PLK2: variants seen among roughly 807,000 people sequenced by gnomAD.
PLK2 encodes the protein serine/threonine-protein kinase PLK2.
PLK2 carries 25 observed loss-of-function variants against 78.1 expected under a neutral mutation model. That is an observed-to-expected ratio of 0.32 (90% CI 0.23 to 0.45). PLK2 has a LOEUF of 0.45. PLK2 is among the 20% of genes least tolerant of loss of function. The pLI is 1.00. For missense variants in PLK2, 566 were observed against 840.2 expected, an observed-to-expected ratio of 0.67 and a Z score of 4.04; for synonymous variants, 332 against 298.2, an observed-to-expected ratio of 1.11 and a Z score of -1.17.
At chr5:58,458,201 C>T (rs762106690) in intron 4 of PLK2, 30 bp from the exon 5 acceptor site, 216 of 1,493,930 alleles carry the variant, frequency 1.4e-4, no homozygotes, top group Non-Finnish European at 1.9e-4. Flanking sequence ...AAATGTGAAT[C>T]CCTTTGAAAA....
intron 1 of PLK2, 192 bp from the exon 2 acceptor site, chr5:58,459,284 G>GT (rs1743692604): frequency 3.4e-6 from 2 of 596,288 alleles, no homozygotes; most frequent in Admixed American, 3.0e-5. Context: ...GCTGGAAACA[G>GT]CAAGTTCAAA....
chr5:58,459,853 G>A lies in PLK2; in HGVS notation c.107C>T (p.Pro36Leu), dbSNP rs753592476. 6.2e-7 allele frequency: 1 copy of A among 1,610,322 alleles called. No homozygotes were observed. The highest frequency in any genetic ancestry group is 8.5e-7 in the Non-Finnish European group (1 of 1,179,670). Residue 36 changes from proline to leucine, a missense_variant, in exon 1 of 14, where the codon CCG (proline) becomes CTG (leucine). Physicochemically the swap from Pro to Leu is moderately conservative, Grantham distance 98. Transcript: ENST00000274289. ...CGADSKKKRPPQPPEESQPPQ... is the reference protein window; with the variant it reads ...CGADSKKKRPLQPPEESQPPQ... The stretch of plus-strand genomic sequence containing the variant: ...TGGCTGCGATTCCTCGGGGGGCTGC[G>A]GCGGCCGCTTCTTCTTCGAGTCCGC...
chr5:58,459,139 G>C (rs756323301), intron 1 of PLK2, 47 bp from the exon 2 acceptor site: 7 of 919,410 alleles, frequency 7.6e-6, no homozygotes, highest in Non-Finnish European at 1.3e-5. Flanking sequence ...GCACAAAAAT[G>C]GACGGCAGAT....
chr5:58,457,537 T>G lies in PLK2; in HGVS notation c.760A>C (p.Lys254Gln). 9 of 1,613,416 alleles carry G rather than the reference T, an allele frequency of 5.6e-6. No homozygotes were observed. Among genetic ancestry groups the G allele is most frequent in the Non-Finnish European group, 7.6e-6 (9 of 1,179,326 alleles). Reference sequence around the variant, plus strand: ...TCTGATTCACAGCCATGTCCTTGTTTGTTGAGGACTTCAGGAGAGAGATAA... The same window carrying G: ...TCTGATTCACAGCCATGTCCTTGTTGGTTGAGGACTTCAGGAGAGAGATAA... The part of the protein sequence containing the change: ...PNYLSPEVLN[K>Q]QGHGCESDIW... Residue 254 changes from lysine to glutamine, a missense_variant, in exon 6 of 14, where the codon AAA (lysine) becomes CAA (glutamine). Around this residue, in one of 5 missense-constraint regions of PLK2, gnomAD observed 179 missense variants for 342.3 expected, o/e 0.52. Coordinates refer to ENST00000274289, the MANE Select transcript of PLK2 (RefSeq NM_006622.4).
In PLK2 at chr5:58,460,046, T is replaced by C. The variant is rs1743722430; in HGVS notation, c.-87A>G. 2 of 1,460,944 alleles carry C rather than the reference T, an allele frequency of 1.4e-6. No individual in the cohort carries two copies. Among genetic ancestry groups the C allele is most frequent in the African/African-American group, 1.4e-5 (1 of 71,172 alleles). The allele number at this position is 1,460,944 out of a possible 1,614,324, so 90.5% of individuals were successfully genotyped here. On this transcript the variant is annotated 5_prime_UTR_variant, in exon 1 of 14. Transcript: ENST00000274289. ...CGGCCGTGGTCCTCGCACCCTTGCC[T>C]CTGGTGCCGACTAGCACCCAACACC... is the stretch of plus-strand genomic sequence containing the variant.
intron 1 of PLK2, 178 bp from the exon 2 acceptor site, chr5:58,459,270 C>T (rs2111715129): frequency 3.3e-6 from 2 of 602,132 alleles, no homozygotes; most frequent in East Asian, 2.8e-5. Flanking sequence ...AAGAGAAATG[C>T]ATTGCTGGAA....
chr5:58,459,899 C>T lies in PLK2; in HGVS notation c.61G>A (p.Ala21Thr), dbSNP rs1199678713. 1 of 1,612,226 alleles carries T rather than the reference C, an allele frequency of 6.2e-7. No individual in the cohort carries two copies. The highest frequency in any genetic ancestry group is 8.5e-7 in the Non-Finnish European group (1 of 1,179,718). Residue 21 changes from alanine (A) to threonine (T), a missense_variant, in exon 1 of 14, where the codon GCG (alanine) becomes ACG (threonine). Ala to Thr is a moderately conservative substitution (Grantham distance 58, BLOSUM62 0). Transcript: ENST00000274289. ...TCCGCTCCGCAACCCTTGCCCAGCGCCTGCTCGCACATTTTGGTGCTGGCG... is the reference window on the plus strand; with the variant it reads ...TCCGCTCCGCAACCCTTGCCCAGCGTCTGCTCGCACATTTTGGTGCTGGCG... ...PAASTKMCEQ[A>T]LGKGCGADSK...
At position 58,454,629 on chromosome 5, in the gene PLK2, T is replaced by A. The variant is rs769177791; in HGVS notation, c.2012A>T (p.Asn671Ile). ...LMSGCSSELKNRMEYALNMLL... is the reference protein window; with the variant it reads ...LMSGCSSELKIRMEYALNMLL... ...CATGTTCAGGGCATATTCCATTCGA[T>A]TTTTTAATTCTGATGAACAGCCAGA... The change falls in exon 14 of 14, where the codon AAT becomes ATT. Residue 671 changes from asparagine (N) to isoleucine (I), a missense_variant. This residue lies in a region of PLK2 where 130 missense variants were observed against 196.4 expected (regional missense o/e 0.66). Coordinates refer to ENST00000274289, the MANE Select transcript of PLK2 (RefSeq NM_006622.4). 3.1e-6 allele frequency: 5 copies of A among 1,613,990 alleles called. No homozygotes were observed. The highest frequency in any genetic ancestry group is 4.2e-6 in the Non-Finnish European group (5 of 1,179,886).
Position 58,459,001 on chromosome 5 carries a change from G to A in PLK2, c.362C>T (p.Pro121Leu). The change falls in exon 2 of 14, where the codon CCT (proline) becomes CTT (leucine). Residue 121 changes from proline (P) to leucine (L), a missense_variant. This residue lies in a region of PLK2 where 179 missense variants were observed against 342.3 expected (regional missense o/e 0.52). Coordinates refer to ENST00000274289, the MANE Select transcript of PLK2 (RefSeq NM_006622.4). ...CATACGCACCTTTTCCCTTTGATGA[G>A]GTTTAGCTACTCTGCTGTGAGGAAT... Reference protein sequence around the residue: ...KIIPHSRVAKPHQREKIDKEI... With the variant: ...KIIPHSRVAKLHQREKIDKEI... 1 of 1,595,156 alleles carries A rather than the reference G, an allele frequency of 6.3e-7. No homozygotes were observed. The highest frequency in any genetic ancestry group is 8.6e-7 in the Non-Finnish European group (1 of 1,162,876).
chr5:58,457,498 C>A lies in PLK2; in HGVS notation c.799G>T (p.Gly267Cys), dbSNP rs1251040408. 6.2e-7 allele frequency: 1 copy of A among 1,611,104 alleles called. No individual in the cohort carries two copies. Among genetic ancestry groups the A allele is most frequent in the Admixed American group, 1.7e-5 (1 of 60,016 alleles). The change falls in exon 6 of 14, where the codon GGC (glycine) becomes TGC (cysteine). Residue 267 changes from glycine (G) to cysteine (C), a missense_variant. Physicochemically the swap from Gly to Cys is radical, Grantham distance 159. Transcript: ENST00000274289. ...GCTGCATTTACTTACATTACACAGCCCAGGGCCCAAATGTCTGATTCACAG... is the reference window on the plus strand; with the variant it reads ...GCTGCATTTACTTACATTACACAGCACAGGGCCCAAATGTCTGATTCACAG... ...HGCESDIWAL[G>C]CVMYTMLLGR... is the part of the protein sequence containing the mutation.
chr5:58,457,642 C>T, intron 5 of PLK2, 59 bp from the exon 6 acceptor site: 5 of 956,844 alleles, frequency 5.2e-6, no homozygotes, highest in Non-Finnish European at 6.8e-6. Context: ...AAACTTGGTT[C>T]TCTTGACATG....
Position 58,454,768 on chromosome 5 carries a change from A to G in PLK2, c.1873T>C (p.Phe625Leu). 1 of 1,599,866 alleles carries G rather than the reference A, an allele frequency of 6.3e-7. No individual in the cohort carries two copies. The change falls in exon 14 of 14, where the codon TTC becomes CTC. Residue 625 changes from phenylalanine (F) to leucine (L), a missense_variant. This residue lies in a region of PLK2 where 130 missense variants were observed against 196.4 expected (regional missense o/e 0.66). Transcript: ENST00000274289. Reference protein sequence around the residue: ...LFNDGTFQVNFYHDHTKIIIC... With the variant: ...LFNDGTFQVNLYHDHTKIIIC... Reference sequence around the variant, plus strand: ...ATGATTTTTGTATGATCATGGTAGAAATTCACCTTAAAAAATAAACATAGA... The same window carrying G: ...ATGATTTTTGTATGATCATGGTAGAGATTCACCTTAAAAAATAAACATAGA...
chr5:58,455,270 A>T lies in PLK2; in HGVS notation c.1755+15T>A, dbSNP rs1421228680. 2.5e-6 allele frequency: 4 copies of T among 1,613,594 alleles called. No individual in the cohort carries two copies. In the African/African-American group the frequency reaches 4.0e-5, roughly 16 times the overall value. On this transcript the variant is annotated intron_variant, in intron 12 of 13. Transcript: ENST00000274289. ...TACACTTCAAATGTCACCACTCTAAAGCCACAGTACTTACATCCATGAGGT... is the reference window on the plus strand; with the variant it reads ...TACACTTCAAATGTCACCACTCTAATGCCACAGTACTTACATCCATGAGGT...
intron 6 of PLK2, 45 bp from the exon 7 acceptor site, chr5:58,457,424 T>A (rs2220785): frequency 0.12 from 191,098 of 1,569,574 alleles, 13,154 homozygotes; most frequent in Admixed American, 0.22. Context: ...ATAAAGCAAC[T>A]CTTTTCAAGT....
chr5:58,460,051 T>C lies in PLK2; in HGVS notation c.-92A>G, dbSNP rs1743722811. The stretch of plus-strand genomic sequence containing the variant: ...GTGGTCCTCGCACCCTTGCCTCTGG[T>C]GCCGACTAGCACCCAACACCCCGGT... On this transcript the variant is annotated 5_prime_UTR_variant, in exon 1 of 14. Transcript: ENST00000274289. 2.1e-6 allele frequency: 3 copies of C among 1,432,388 alleles called. No individual in the cohort carries two copies. The highest frequency in any genetic ancestry group is 2.2e-5 in the Admixed American group (1 of 46,112). The allele number at this position is 1,432,388 out of a possible 1,614,324, so 88.7% of individuals were successfully genotyped here. A position where few individuals can be genotyped will look rare whatever the true frequency, so the allele number is the denominator to read the frequency against.
In PLK2 at chr5:58,458,450, C is replaced by T; in HGVS notation, c.574G>A (p.Gly192Arg). 2 of 1,613,288 alleles carry T rather than the reference C, an allele frequency of 1.2e-6. No homozygotes were observed. Among genetic ancestry groups the T allele is most frequent in the Non-Finnish European group, 1.7e-6 (2 of 1,179,204 alleles). The change falls in exon 4 of 14, where the codon GGA (glycine) becomes AGA (arginine). Residue 192 changes from glycine to arginine, a missense_variant. Physicochemically the swap from Gly to Arg is moderately radical, Grantham distance 125 (BLOSUM62 -2). Around this residue, in one of 5 missense-constraint regions of PLK2, gnomAD observed 179 missense variants for 342.3 expected, o/e 0.52. Coordinates refer to ENST00000274289, the MANE Select transcript of PLK2 (RefSeq NM_006622.4). Reference sequence around the variant, plus strand: ...TCTTGTTCATGAAGGTATTTCAGTCCAGACACAATCTGCCTGAGGTAGTAT... The same window carrying T: ...TCTTGTTCATGAAGGTATTTCAGTCTAGACACAATCTGCCTGAGGTAGTAT... ...VRYYLRQIVS[G>R]LKYLHEQEIL...
At chr5:58,456,828 T>A in intron 8 of PLK2, 117 bp downstream of exon 8, 1 of 694,176 alleles carries the variant, frequency 1.4e-6, no homozygotes, top group South Asian at 2.1e-5. Context: ...AATATCAACA[T>A]TTAAGAATAC....
In PLK2 at chr5:58,456,125, T is replaced by C. The variant is rs762897073; in HGVS notation, c.1285A>G (p.Arg429Gly). ...TTTTCTACTGCGGGTGTTCCAGACC[T>C]GGCAACTGTGGTGGTAGGTGGCTGG... ...ELQPPTTTVA[R>G]SGTPAVENKQ... Residue 429 changes from arginine to glycine, a missense_variant, in exon 10 of 14, where the codon AGG (arginine) becomes GGG (glycine). Physicochemically the swap from Arg to Gly is moderately radical, Grantham distance 125 (BLOSUM62 -2). Coordinates refer to ENST00000274289, the MANE Select transcript of PLK2 (RefSeq NM_006622.4). The C allele has an allele frequency of 3.1e-6, 5 of 1,613,932 alleles. No homozygotes were observed. The highest frequency in any genetic ancestry group is 2.2e-5 in the South Asian group (2 of 91,062).
intron 2 of PLK2, 34 bp downstream of exon 2, chr5:58,458,951 C>A: frequency 7.1e-7 from 1 of 1,408,984 alleles, no homozygotes; most frequent in Non-Finnish European, 1.0e-6. Context: ...TCCTTGCACA[C>A]AAAGAAAATA....
Sources: gnomAD v4.1 joint callset for allele counts on GRCh38, gnomAD v4.1.1 for gene constraint, gnomAD v4.1.1 regional missense constraint, MANE v1.5 for transcripts, NCBI Gene and HGNC (gene_info 2026-07-23, HGNC 2026-07-21) for gene names.